NLK: variants seen among roughly 807,000 people sequenced by gnomAD.
NLK encodes serine/threonine-protein kinase NLK.
A neutral mutation model predicts 59.0 loss-of-function variants in NLK; 11 were observed. That is an observed-to-expected ratio of 0.19 (90% CI 0.12 to 0.31). NLK has a LOEUF of 0.31. Ranked by LOEUF, NLK falls within the 10% of genes least tolerant of loss-of-function variation. The pLI, the probability that NLK is intolerant of heterozygous loss-of-function variation, is 1.00. For missense variants in NLK, 410 were observed against 661.1 expected (o/e 0.62, Z 4.16); for synonymous variants, 235 against 235.9 (o/e 1.00, Z 0.03).
chr17:28,194,835 A>G lies in NLK; in HGVS notation c.*199A>G, dbSNP rs1909427728. The G allele has an allele frequency of 2.5e-6, 1 of 398,394 alleles. No homozygotes were observed. The highest frequency in any genetic ancestry group is 4.4e-6 in the Non-Finnish European group (1 of 225,042). The allele number at this position is 398,394 out of a possible 1,614,324, so 24.7% of individuals were successfully genotyped here. On this transcript the variant is annotated 3_prime_UTR_variant, in exon 11 of 11. Transcript: ENST00000407008. ...TCTTGTAAAGTGGTTGTGCTTTTAG[A>G]AGAAAAATATTTTACCCAGAGTTGC... is the stretch of plus-strand genomic sequence containing the variant.
chr17:28,147,636 A>C lies in NLK; in HGVS notation c.645-13524A>C, dbSNP rs544067707. ...GCGTCAGAGAAAATTGTACAGGCCT[A>C]TTTTTAATTCTAAGCAACCCTCTCT... On this transcript the variant is annotated intron_variant, in intron 3 of 10. Coordinates refer to ENST00000407008, the MANE Select transcript of NLK (RefSeq NM_016231.5). 2.0e-4 allele frequency among the ~76,000 whole-genome samples: 31 copies of C among 152,208 alleles called. No homozygotes were observed. In the East Asian group the frequency reaches 6.0e-3, roughly 29 times the overall value.
chr17:28,119,274 C>G (rs956881107), intron 1 of NLK, among the ~76,000 whole-genome samples: 1 of 152,240 alleles, frequency 6.6e-6, no homozygotes, highest in Non-Finnish European at 1.5e-5. Context: ...CGTGAAATTA[C>G]TGCACTGCCA....
chr17:28,097,010 T>A (rs1904724599), intron 1 of NLK, among the ~76,000 whole-genome samples: 1 of 152,152 alleles, frequency 6.6e-6, no homozygotes, highest in African/African-American at 2.4e-5. Context: ...TATGTTACAG[T>A]ACAACATCCC....
chr17:28,192,490 G>T (rs1403790401), intron 10 of NLK, among the ~76,000 whole-genome samples: 1 of 152,130 alleles, frequency 6.6e-6, no homozygotes, highest in African/African-American at 2.4e-5. Context: ...CTAACATGGA[G>T]AAACCTTGTT....
intron 8 of NLK, among the ~76,000 whole-genome samples, chr17:28,188,435 G>T (rs1187132203): frequency 6.6e-6 from 1 of 152,122 alleles, no homozygotes; most frequent in Non-Finnish European, 1.5e-5. Context: ...GGTTTGTTCT[G>T]ATTTTAACCT....
At chr17:28,146,131 T>C (rs1463115361) in intron 3 of NLK, among the ~76,000 whole-genome samples, 1 of 152,192 alleles carries the variant, frequency 6.6e-6, no homozygotes, top group Non-Finnish European at 1.5e-5. Flanking sequence ...CCATGGACTT[T>C]GATATCAGGC....
At chr17:28,146,936 G>C (rs375874604) in intron 3 of NLK, among the ~76,000 whole-genome samples, 1 of 152,028 alleles carries the variant, frequency 6.6e-6, no homozygotes, top group East Asian at 1.9e-4. Context: ...GAGTAGGTGA[G>C]GCAAAATAAA....
intron 3 of NLK, among the ~76,000 whole-genome samples, chr17:28,153,133 G>T (rs568599569): frequency 2.8e-4 from 42 of 151,938 alleles, no homozygotes; most frequent in Non-Finnish European, 4.6e-4. Context: ...GATTAGCCAG[G>T]CGTGGTAGCA....
chr17:28,099,460 A>G (rs1029897043), intron 1 of NLK, among the ~76,000 whole-genome samples: 1 of 150,910 alleles, frequency 6.6e-6, no homozygotes, highest in Non-Finnish European at 1.5e-5. Flanking sequence ...CCAGGCAACC[A>G]TTGGTCTAGT....
At chr17:28,181,933 C>CT (rs2142066108) in intron 7 of NLK, among the ~76,000 whole-genome samples, 1 of 152,196 alleles carries the variant, frequency 6.6e-6, no homozygotes, top group South Asian at 2.1e-4. Context: ...TCGCTTGAGC[C>CT]TAGTAGGTGG....
chr17:28,096,691 C>T (rs955655882), intron 1 of NLK, among the ~76,000 whole-genome samples: 3 of 152,054 alleles, frequency 2.0e-5, no homozygotes, highest in Admixed American at 6.5e-5. Context: ...TTCCCACTCC[C>T]CCATCTATTT....
At position 28,168,372 on chromosome 17, in the gene NLK, A is replaced by C. The variant is rs34876265; in HGVS notation, c.838-76A>C. On this transcript the variant is annotated intron_variant, in intron 5 of 10. Transcript: ENST00000407008. Reference sequence around the variant, plus strand: ...AAAAAGTTTCAAAGTTCAGTGCCCTATCAAAATTTTGATGTTTTGTTTTAC... The same window carrying C: ...AAAAAGTTTCAAAGTTCAGTGCCCTCTCAAAATTTTGATGTTTTGTTTTAC... 3.7e-4 allele frequency: 399 copies of C among 1,081,088 alleles called. 2 individuals are homozygous for C. In the Middle Eastern group the frequency reaches 3.9e-3, roughly 11 times the overall value. The allele number at this position is 1,081,088 out of a possible 1,614,324, so 67.0% of individuals were successfully genotyped here.
chr17:28,199,597 T>C (rs1412838154), downstream of NLK, among the ~76,000 whole-genome samples: 3 of 135,758 alleles, frequency 2.2e-5, no homozygotes, highest in Non-Finnish European at 3.0e-5. Flanking sequence ...ACCCAGGAGG[T>C]AGAGGTTGCA....
intron 1 of NLK, among the ~76,000 whole-genome samples, chr17:28,065,554 A>G (rs1183866114): frequency 6.6e-6 from 1 of 152,212 alleles, no homozygotes; most frequent in Non-Finnish European, 1.5e-5. Flanking sequence ...TTAAATGATT[A>G]AAATGATCAG....
At chr17:28,198,678 C>G (rs1463497630), downstream of NLK, among the ~76,000 whole-genome samples, 1 of 152,124 alleles carries the variant, frequency 6.6e-6, no homozygotes, top group African/African-American at 2.4e-5. Flanking sequence ...TTTTCACATC[C>G]CTCTTCACAG....
At chr17:28,194,287 C>T (rs960143966) in intron 10 of NLK, among the ~76,000 whole-genome samples, 2 of 152,168 alleles carry the variant, frequency 1.3e-5, no homozygotes, top group Non-Finnish European at 2.9e-5. Flanking sequence ...ATGAGGTAAA[C>T]AGCATTATTT....
intron 3 of NLK, among the ~76,000 whole-genome samples, chr17:28,153,436 A>G (rs1907570599): frequency 6.6e-6 from 1 of 152,150 alleles, no homozygotes; most frequent in African/African-American, 2.4e-5. Flanking sequence ...CCGAGGGCCC[A>G]TTTCCTAGTT....
intron 1 of NLK, among the ~76,000 whole-genome samples, chr17:28,111,895 T>TGTGTGG (rs1905516817): frequency 6.1e-5 from 4 of 65,462 alleles, no homozygotes; most frequent in Non-Finnish European, 8.8e-5. Flanking sequence ...TGTGTGTGTG[T>TGTGTGG]GGTGTGTGTG....
intron 1 of NLK, among the ~76,000 whole-genome samples, chr17:28,067,723 G>A (rs1382487851): frequency 6.6e-6 from 1 of 151,994 alleles, no homozygotes; most frequent in Admixed American, 6.6e-5. Context: ...GATCTTAGAT[G>A]TTAGAGATTG....
Sources: allele counts gnomAD v4.1 joint callset (sites outside exome capture counted in the v4.1 genomes callset), GRCh38; gene constraint gnomAD v4.1.1; transcripts MANE v1.5; gene names NCBI Gene and HGNC (gene_info 2026-07-23, HGNC 2026-07-21).